Variants in MSL1 observed in about 807,000 individuals in gnomAD.
The protein encoded by MSL1 is male-specific lethal 1 homolog.
MSL1 carries 21 observed loss-of-function variants against 64.6 expected under a neutral mutation model. The ratio of observed to expected loss-of-function variants is 0.33; its 90% CI spans 0.23 to 0.47. MSL1 has a LOEUF of 0.47. MSL1 is among the 20% of genes least tolerant of loss of function. The pLI, the probability that MSL1 is intolerant of heterozygous loss-of-function variation, is 1.00. For missense variants in MSL1, 664 were observed against 793.2 expected (o/e 0.84, Z 1.96); for synonymous variants, 339 against 329.6 (o/e 1.03, Z -0.31).
In MSL1 at chr17:40,122,368, G is replaced by C; in HGVS notation, c.-245G>C. Reference sequence around the variant, plus strand: ...CTCTGAGGCGAAGGCGGCGGCGGCGGCAGCAGAGGCGGCGGCGAGGCCCCC... The same window carrying C: ...CTCTGAGGCGAAGGCGGCGGCGGCGCCAGCAGAGGCGGCGGCGAGGCCCCC... On this transcript the variant is annotated 5_prime_UTR_variant, in exon 1 of 9. Transcript: ENST00000398532. The surrounding 1 kb of genome is among the most constrained non-coding windows in gnomAD (Gnocchi z 4.2). 1 of 255,074 alleles carries C rather than the reference G, an allele frequency of 3.9e-6. No individual in the cohort carries two copies. The highest frequency in any genetic ancestry group is 7.4e-6 in the Non-Finnish European group (1 of 135,820). The allele number at this position is 255,074 out of a possible 1,614,324, so 15.8% of individuals were successfully genotyped here.
At chr17:40,124,367 TTC>T (rs142784983) in intron 1 of MSL1, among the ~76,000 whole-genome samples, 12 of 149,064 alleles carry the variant, frequency 8.1e-5, no homozygotes, top group South Asian at 2.1e-4. Context: ...CTCTTTCCCT[TTC>T]TCTCTCTCTC....
intron 1 of MSL1, among the ~76,000 whole-genome samples, chr17:40,125,234 AG>A (rs770807306): frequency 6.6e-6 from 1 of 152,266 alleles, no homozygotes; most frequent in Admixed American, 6.5e-5. Flanking sequence ...ATAAATATTT[AG>A]ATGAATAGGT....
In MSL1 at chr17:40,135,559, AG is replaced by A. The variant is rs1395694643; in HGVS notation, c.*1192del. 4 of 152,352 alleles carry A rather than the reference AG, an allele frequency of 2.6e-5. No individual in the cohort carries two copies. The highest frequency in any genetic ancestry group is 9.7e-5 in the African/African-American group (4 of 41,446). 9.4% of individuals were successfully genotyped at this position (152,352 alleles called of 1,614,324 possible). On this transcript the variant is annotated 3_prime_UTR_variant, in exon 9 of 9. Transcript: ENST00000398532. ...ACAAGTAGGGGTCTAATCTCCTAGA[AG>A]GTAGGGGCTTTTATCCTTAAAGAGA... is the stretch of plus-strand genomic sequence containing the variant.
In MSL1 at chr17:40,129,365, C is replaced by T; in HGVS notation, c.1113C>T (p.Ser371=). ...CTATTAAAGAGGAACCCTGTGGTTC[C>T]TTATCTGAAACTGTTTGTAAACGTG... is the stretch of plus-strand genomic sequence containing the variant. ...HSPIKEEPCG[S]LSETVCKREL... Residue 371 remains serine, a synonymous_variant, in exon 3 of 9, where the codon TCC becomes TCT. Transcript: ENST00000398532. The T allele has an allele frequency of 6.2e-7, 1 of 1,613,518 alleles. No individual in the cohort carries two copies. The highest frequency in any genetic ancestry group is 8.5e-7 in the Non-Finnish European group (1 of 1,179,792).
At chr17:40,133,786 TCTGTATTA>T (rs1988487993) in intron 7 of MSL1, 33 bp from the exon 8 acceptor site, 1 of 1,611,186 alleles carries the variant, frequency 6.2e-7, no homozygotes, top group South Asian at 1.1e-5. Flanking sequence ...ACATTTCCCA[TCTGTATTA>T]CTAATACGCT....
chr17:40,132,536 G>T (rs1353255674), intron 5 of MSL1, among the ~76,000 whole-genome samples: 2 of 152,142 alleles, frequency 1.3e-5, no homozygotes, highest in African/African-American at 2.4e-5. Context: ...TACTCGGGAG[G>T]CTGAGACAGG....
Position 40,134,482 on chromosome 17 carries a change from A to C in MSL1, c.*113A>C. ...ACATATGTTATCACTCGCTGATAAT[A>C]CCCTTTCATACTTCCTTGACTTTGT... On this transcript the variant is annotated 3_prime_UTR_variant, in exon 9 of 9. Transcript: ENST00000398532. 3 of 795,930 alleles carry C rather than the reference A, an allele frequency of 3.8e-6. No individual in the cohort carries two copies. The highest frequency in any genetic ancestry group is 6.2e-6 in the Non-Finnish European group (3 of 485,586). 49.3% of individuals were successfully genotyped at this position (795,930 alleles called of 1,614,324 possible).
At position 40,134,713 on chromosome 17, in the gene MSL1, G is replaced by A. The variant is rs973324756; in HGVS notation, c.*344G>A. ...GGCTCTCTTCATTAGACATGTGGAA[G>A]ATGAAGCAGCCCCTTCCTTTAGAGC... On this transcript the variant is annotated 3_prime_UTR_variant, in exon 9 of 9. Coordinates refer to ENST00000398532, the MANE Select transcript of MSL1 (RefSeq NM_001365919.1). 8 of 234,660 alleles carry A rather than the reference G, an allele frequency of 3.4e-5. 1 individual carries two copies. Among genetic ancestry groups the A allele is most frequent in the South Asian group, 1.9e-4 (3 of 15,944 alleles). The allele number at this position is 234,660 out of a possible 1,614,324, so 14.5% of individuals were successfully genotyped here. A position where few individuals can be genotyped will look rare whatever the true frequency, so the allele number is the denominator to read the frequency against.
chr17:40,132,713 ATTATT>A (rs1417169507), intron 5 of MSL1, among the ~76,000 whole-genome samples: 1 of 152,204 alleles, frequency 6.6e-6, no homozygotes, highest in Non-Finnish European at 1.5e-5. Flanking sequence ...TAAAGTTTTG[ATTATT>A]TTAAAGTCAG....
intron 5 of MSL1, among the ~76,000 whole-genome samples, chr17:40,132,699 C>T (rs1219585633): frequency 6.6e-6 from 1 of 152,258 alleles, no homozygotes; most frequent in African/African-American, 2.4e-5. Flanking sequence ...GCTCATTTGA[C>T]TCTTAAAGTT....
intron 4 of MSL1, 25 bp from the exon 5 acceptor site, chr17:40,132,005 CCTTT>C (rs1196883822): frequency 3.1e-5 from 47 of 1,539,926 alleles, no homozygotes; most frequent in African/African-American, 1.1e-4. Context: ...ACCCCTCCTC[CCTTT>C]CTTTTTCTCT....
intron 6 of MSL1, 94 bp from the exon 7 acceptor site, chr17:40,133,440 T>G: frequency 6.8e-7 from 1 of 1,465,194 alleles, no homozygotes; most frequent in Non-Finnish European, 9.1e-7. Flanking sequence ...AGGGTCTTCC[T>G]AGCATCTGGA....
At chr17:40,123,466 C>T (rs940399693) in intron 1 of MSL1, 86 bp downstream of exon 1, 13 of 1,373,404 alleles carry the variant, frequency 9.5e-6, no homozygotes, top group Middle Eastern at 1.9e-4. Flanking sequence ...GTTAAGGCAC[C>T]CCCGGGTTAG....
chr17:40,124,698 A>C (rs775791126), intron 1 of MSL1: 9 of 151,810 alleles, frequency 5.9e-5, no homozygotes, highest in Non-Finnish European at 1.0e-4. Context: ...GTATGGGGGG[A>C]GTGGGAAGAG....
Position 40,126,248 on chromosome 17 carries a change from A to C in MSL1, c.834A>C (p.Glu278Asp). 1 of 1,614,038 alleles carries C rather than the reference A, an allele frequency of 6.2e-7. No homozygotes were observed. Among genetic ancestry groups the C allele is most frequent in the Non-Finnish European group, 8.5e-7 (1 of 1,179,892 alleles). ...MQLVKKDNEK[E>D]RHKLFQGYET... Reference sequence around the variant, plus strand: ...TGGTAAAGAAGGATAACGAGAAAGAAAGGCACAAGCTGTTTCAGGGCTATG... The same window carrying C: ...TGGTAAAGAAGGATAACGAGAAAGACAGGCACAAGCTGTTTCAGGGCTATG... The change falls in exon 2 of 9, where the codon GAA becomes GAC. Residue 278 changes from glutamate (E) to aspartate (D), a missense_variant. Transcript: ENST00000398532.
chr17:40,124,724 A>G (rs1035208794), intron 1 of MSL1: 2 of 152,218 alleles, frequency 1.3e-5, no homozygotes, highest in African/African-American at 4.8e-5. Context: ...CCAGTGAAGG[A>G]GAAAAAAATC....
rs768040135 is a variant in MSL1 at position 40,123,380 on chromosome 17, G to T, written c.768G>T (p.Thr256=). 2.0e-6 allele frequency: 3 copies of T among 1,535,846 alleles called. No homozygotes were observed. Among genetic ancestry groups the T allele is most frequent in the South Asian group, 2.4e-5 (2 of 84,026 alleles). ...AGGAGCTGAAGTCAGAGAGAGACAC[G>T]GTACGGGAGGGGTTAATCTGCATTC... ...EIEELKSERD[T]LLARIERMER... Residue 256 remains threonine (T), a splice_region_variant and synonymous_variant, in exon 1 of 9, where the codon ACG becomes ACT. Coordinates refer to ENST00000398532, the MANE Select transcript of MSL1 (RefSeq NM_001365919.1).
chr17:40,125,540 C>T lies in MSL1; in HGVS notation c.769-643C>T, dbSNP rs904211037. Among the ~76,000 whole-genome samples the T allele has an allele frequency of 3.9e-5, 6 of 152,276 alleles. No homozygotes were observed. In the South Asian group the frequency reaches 6.2e-4, roughly 16 times the overall value. ...CTTAAAAGATCATGTAGGCTGGGCG[C>T]GGTGGCTCACGCCTGTAATCCCAGC... On this transcript the variant is annotated intron_variant, in intron 1 of 8. Coordinates refer to ENST00000398532, the MANE Select transcript of MSL1 (RefSeq NM_001365919.1).
Position 40,126,380 on chromosome 17 carries a change from T to C in MSL1, c.966T>C (p.Cys322=). 6.2e-7 allele frequency: 1 copy of C among 1,613,994 alleles called. No homozygotes were observed. Among genetic ancestry groups the C allele is most frequent in the Non-Finnish European group, 8.5e-7 (1 of 1,179,886 alleles). ...SQTLPPKPFS[C]GRSGKGHKRK... The stretch of plus-strand genomic sequence containing the variant: ...CTCTGCCTCCCAAGCCCTTCTCATG[T>C]GGGCGGAGTGGAAAGGGACATAAAA... Residue 322 remains cysteine (C), a synonymous_variant, in exon 2 of 9, where the codon TGT becomes TGC. Coordinates refer to ENST00000398532, the MANE Select transcript of MSL1 (RefSeq NM_001365919.1).
Sources: allele counts gnomAD v4.1 joint callset (sites outside exome capture counted in the v4.1 genomes callset), GRCh38; gene constraint gnomAD v4.1.1; non-coding constraint Gnocchi (gnomAD v3.1); transcripts MANE v1.5; gene names NCBI Gene and HGNC (gene_info 2026-07-23, HGNC 2026-07-21).